The following DAAM2 variants were observed in gnomAD, a reference collection of about 807,000 sequenced individuals.
The protein encoded by DAAM2 is dishevelled associated activator of morphogenesis 2, also known as disheveled-associated activator of morphogenesis 2.
A neutral mutation model predicts 120.7 loss-of-function variants in DAAM2; 39 were observed. That is an observed-to-expected ratio of 0.32 (90% CI 0.25 to 0.42). The LOEUF (loss-of-function observed/expected upper bound fraction) is 0.42, where lower values mean the gene tolerates loss of function less well. DAAM2 is among the 10% of genes least tolerant of loss of function. The pLI is 1.00. For synonymous variants in DAAM2, 488 were observed against 524.9 expected (o/e 0.93, Z 0.96); for missense variants, 1,283 against 1,401.7 (o/e 0.92, Z 1.35).
chr6:39,798,302 A>G (rs12193919), intron 1 of DAAM2, among the ~76,000 whole-genome samples: 3,289 of 152,290 alleles, frequency 0.022, 63 homozygotes, highest in African/African-American at 0.051. Flanking sequence ...TGGGGATGAT[A>G]ATAAAATACC....
chr6:39,796,489 C>G (rs1276048259), intron 1 of DAAM2, among the ~76,000 whole-genome samples: 1 of 151,774 alleles, frequency 6.6e-6, no homozygotes, highest in East Asian at 1.9e-4. Context: ...ACTGCACAGT[C>G]AAGATGCTGT....
Position 39,878,545 on chromosome 6 carries a change from G to A in DAAM2, c.1502G>A (p.Arg501Gln), listed in dbSNP as rs369945548. The change falls in exon 13 of 25, where the codon CGG (arginine) becomes CAG (glutamine). Residue 501 changes from arginine (R) to glutamine (Q), a missense_variant. By Grantham distance (43) the Arg-to-Gln change is conservative. Around this residue, in one of 3 missense-constraint regions of DAAM2, gnomAD observed 748 missense variants for 768.6 expected, o/e 0.97. Transcript: ENST00000274867. The surrounding 1 kb of genome is among the most constrained non-coding windows in gnomAD (Gnocchi z 5.0). The part of the protein sequence containing the change: ...ARESQELRQA[R>Q]GQVAELVAQL... ...GAGTCCCAGGAGCTGCGCCAGGCTC[G>A]GGGACAAGTGGCAGAGCTGGTAGCC... 22 of 1,609,226 alleles carry A rather than the reference G, an allele frequency of 1.4e-5. No individual in the cohort carries two copies. Among genetic ancestry groups the A allele is most frequent in the Non-Finnish European group, 1.8e-5 (21 of 1,177,964 alleles).
At chr6:39,888,815 C>A in intron 17 of DAAM2, 52 bp downstream of exon 17, 1 of 1,452,322 alleles carries the variant, frequency 6.9e-7, no homozygotes, top group Non-Finnish European at 9.6e-7. Context: ...GGCAGCCACG[C>A]CCCTTCCCAA....
At chr6:39,853,222 C>T (rs1460574019) in intron 1 of DAAM2, among the ~76,000 whole-genome samples, 1 of 152,178 alleles carries the variant, frequency 6.6e-6, no homozygotes, top group African/African-American at 2.4e-5. Flanking sequence ...ATTTCTAAGG[C>T]ATCTTTTGGC....
At chr6:39,863,939 G>C (rs535379376) in intron 3 of DAAM2, among the ~76,000 whole-genome samples, 15 of 152,252 alleles carry the variant, frequency 9.9e-5, no homozygotes, top group Non-Finnish European at 1.5e-4. Flanking sequence ...TGCCTACTAT[G>C]TGCCAAGTGT....
At chr6:39,871,732 A>G (rs1330716955) in intron 9 of DAAM2, among the ~76,000 whole-genome samples, 160 bp downstream of exon 9, 1 of 152,156 alleles carries the variant, frequency 6.6e-6, no homozygotes, top group Non-Finnish European at 1.5e-5. Context: ...ATAGTTCTTC[A>G]TAGAAACACA....
chr6:39,868,769 C>A, intron 6 of DAAM2, 54 bp from the exon 7 acceptor site: 1 of 1,348,084 alleles, frequency 7.4e-7, no homozygotes, highest in Non-Finnish European at 1.0e-6. Flanking sequence ...GCAAAGGCCA[C>A]ACCTGTTGGG....
rs1765519018 is a variant in DAAM2, at chr6:39,888,709, G to C, written c.2091G>C (p.Gln697His). 1 of 1,613,328 alleles carries C rather than the reference G, an allele frequency of 6.2e-7. No homozygotes were observed. Among genetic ancestry groups the C allele is most frequent in the African/African-American group, 1.3e-5 (1 of 74,904 alleles). ...KLKLSNEEIR[Q>H]AILKMDEQED... ...AGCTTTCTAACGAGGAGATCCGGCA[G>C]GCCATCTTGAAGATGGATGAGCAGG... is the stretch of plus-strand genomic sequence containing the variant. The change falls in exon 17 of 25, where the codon CAG becomes CAC. Residue 697 changes from glutamine (Q) to histidine (H), a missense_variant. Coordinates refer to ENST00000274867, the MANE Select transcript of DAAM2 (RefSeq NM_001201427.2).
rs776764562 is a variant in DAAM2 at position 39,898,898 on chromosome 6, G to A, written c.2640G>A (p.Glu880=). 1.2e-6 allele frequency: 2 copies of A among 1,612,934 alleles called. No individual in the cohort carries two copies. Among genetic ancestry groups the A allele is most frequent in the South Asian group, 1.1e-5 (1 of 90,618 alleles). Residue 880 remains glutamate, a synonymous_variant, in exon 22 of 25, where the codon GAG becomes GAA. Transcript: ENST00000274867. The part of the protein sequence containing the change: ...AKVNLAELEK[E]VGNLRRGLRA... Reference sequence around the variant, plus strand: ...ACAGCCTAGCAGAACTGGAGAAGGAGGTGGGCAACCTCAGGAGGGGCCTGA... The same window carrying A: ...ACAGCCTAGCAGAACTGGAGAAGGAAGTGGGCAACCTCAGGAGGGGCCTGA...
chr6:39,869,007 T>G (rs1283272758), intron 7 of DAAM2, 74 bp downstream of exon 7: 1 of 1,111,046 alleles, frequency 9.0e-7, no homozygotes, highest in African/African-American at 1.6e-5. Context: ...AGTGTGTTGC[T>G]TCCCCAATAA....
Position 39,904,576 on chromosome 6 carries a change from T to C in DAAM2, c.*2539T>C, listed in dbSNP as rs1766700665. On this transcript the variant is annotated 3_prime_UTR_variant, in exon 25 of 25. Transcript: ENST00000274867. ...TCTCAGCAGCATTTCTCCCCTGTGA[T>C]GGAAATAAAGTGTTTAGGGCAGTGG... The C allele has an allele frequency of 4.5e-6, 2 of 440,804 alleles. No homozygotes were observed. Among genetic ancestry groups the C allele is most frequent in the African/African-American group, 2.4e-5 (1 of 42,274 alleles). 27.3% of individuals were successfully genotyped at this position (440,804 alleles called of 1,614,324 possible).
intron 14 of DAAM2, chr6:39,881,730 GA>G (rs890545484): frequency 3.3e-5 from 5 of 152,132 alleles, no homozygotes; most frequent in African/African-American, 9.7e-5. Context: ...GAAAAAAAAA[GA>G]GATTGCTGTG....
chr6:39,875,975 C>T (rs1001399209), intron 11 of DAAM2, among the ~76,000 whole-genome samples: 7 of 152,194 alleles, frequency 4.6e-5, no homozygotes, highest in Non-Finnish European at 4.4e-5. Flanking sequence ...AACACACACA[C>T]ACAAGTATAA....
intron 5 of DAAM2, among the ~76,000 whole-genome samples, chr6:39,865,714 A>G (rs939330644): frequency 4.6e-5 from 7 of 152,230 alleles, no homozygotes; most frequent in African/African-American, 9.6e-5. Flanking sequence ...AATTTTCAGC[A>G]ATTTTGTAAG....
At position 39,871,551 on chromosome 6, in the gene DAAM2, G is replaced by T. The variant is rs1236766876; in HGVS notation, c.1023G>T (p.Glu341Asp). ...TGGTGCGGAATGAGGATGACCTGGA[G>T]CTAGCCAGGAGGTTTGACATGGTGA... ...FEMVRNEDDL[E>D]LARRFDMVHI... The change falls in exon 9 of 25, where the codon GAG (glutamate) becomes GAT (aspartate). Residue 341 changes from glutamate (E) to aspartate (D), a missense_variant. Physicochemically the swap from Glu to Asp is conservative, Grantham distance 45 (BLOSUM62 2). Transcript: ENST00000274867. The T allele has an allele frequency of 1.3e-6, 2 of 1,550,966 alleles. No individual in the cohort carries two copies. Among genetic ancestry groups the T allele is most frequent in the South Asian group, 2.4e-5 (2 of 84,008 alleles).
chr6:39,815,651 T>TACACACACACACACAC (rs56736428), intron 1 of DAAM2, among the ~76,000 whole-genome samples: 56 of 149,076 alleles, frequency 3.8e-4, no homozygotes, highest in African/African-American at 7.7e-4. Context: ...ACCCCTGGTT[T>TACACACACACACACAC]ACACACACAC....
At chr6:39,795,637 G>A (rs995604391) in intron 1 of DAAM2, among the ~76,000 whole-genome samples, 2 of 152,166 alleles carry the variant, frequency 1.3e-5, no homozygotes, top group African/African-American at 4.8e-5. Context: ...GCCATCACAA[G>A]CCAGTATTGC....
At chr6:39,855,209 C>T (rs1013690108) in intron 1 of DAAM2, among the ~76,000 whole-genome samples, 2 of 152,088 alleles carry the variant, frequency 1.3e-5, no homozygotes, top group Admixed American at 6.5e-5. Flanking sequence ...TTGTCAGGAA[C>T]GAGTGGTTGA....
chr6:39,827,794 C>G (rs545327430), intron 1 of DAAM2, among the ~76,000 whole-genome samples: 1 of 152,168 alleles, frequency 6.6e-6, no homozygotes, highest in African/African-American at 2.4e-5. Flanking sequence ...TTTCAGAATT[C>G]AAGGGGTATA....
Sources: allele counts gnomAD v4.1 joint callset (sites outside exome capture counted in the v4.1 genomes callset), GRCh38; gene constraint gnomAD v4.1.1; regional missense constraint gnomAD v4.1.1; non-coding constraint Gnocchi (gnomAD v3.1); transcripts MANE v1.5; gene names NCBI Gene and HGNC (gene_info 2026-07-23, HGNC 2026-07-21).